The following TTC39C variants were observed in gnomAD, a reference collection of about 807,000 sequenced individuals.
TTC39C encodes tetratricopeptide repeat domain 39C.
In TTC39C, 33 loss-of-function variants were observed where a neutral mutation model predicts 76.3. The observed-to-expected ratio is 0.43, with a 90% CI of 0.33 to 0.58. The LOEUF is 0.58. Among genes scored for constraint, TTC39C ranks in the 20% least tolerant of loss-of-function variants. The pLI, the probability that TTC39C is intolerant of heterozygous loss-of-function variation, is 0.04. For synonymous variants in TTC39C, 254 were observed against 260.6 expected (o/e 0.97, Z 0.24); for missense variants, 595 against 701.4 (o/e 0.85, Z 1.71).
rs1471149245 is a variant in TTC39C at position 24,132,861 on chromosome 18, A to T, written c.*287A>T. 7.4e-6 allele frequency: 2 copies of T among 271,578 alleles called. No homozygotes were observed. The highest frequency in any genetic ancestry group is 5.3e-5 in the Admixed American group (1 of 18,810). The allele number at this position is 271,578 out of a possible 1,614,324, so 16.8% of individuals were successfully genotyped here. On this transcript the variant is annotated 3_prime_UTR_variant, in exon 14 of 14. Coordinates refer to ENST00000317571, the MANE Select transcript of TTC39C (RefSeq NM_001135993.2). ...TTTAGTTTTGTGATTTATTATTTTTAAAATAAAATCAAACGGAACATCCAA... is the reference window on the plus strand; with the variant it reads ...TTTAGTTTTGTGATTTATTATTTTTTAAATAAAATCAAACGGAACATCCAA...
intron 1 of TTC39C, among the ~76,000 whole-genome samples, chr18:24,054,756 CA>C (rs1448755106): frequency 1.3e-5 from 2 of 152,174 alleles, no homozygotes; most frequent in African/African-American, 4.8e-5. Flanking sequence ...ATATACATAA[CA>C]AAATGTGTCA....
chr18:24,107,354 A>G (rs2084757512), intron 6 of TTC39C, among the ~76,000 whole-genome samples: 1 of 152,032 alleles, frequency 6.6e-6, no homozygotes, highest in Non-Finnish European at 1.5e-5. Flanking sequence ...TTTTATTCTA[A>G]ATACAGCTCA....
At chr18:24,070,440 A>G (rs2084223867) in intron 4 of TTC39C, among the ~76,000 whole-genome samples, 1 of 152,308 alleles carries the variant, frequency 6.6e-6, no homozygotes, top group South Asian at 2.1e-4. Context: ...TCAGATATAA[A>G]AGAGTACCAG....
rs568905392 is a variant in TTC39C at position 24,017,413 on chromosome 18, G to T, written c.167+2375G>T. 3.9e-5 allele frequency among the ~76,000 whole-genome samples: 6 copies of T among 152,308 alleles called. No individual in the cohort carries two copies. In the South Asian group the frequency reaches 1.2e-3, roughly 32 times the overall value. On this transcript the variant is annotated intron_variant, in intron 1 of 13. Coordinates refer to ENST00000317571, the MANE Select transcript of TTC39C (RefSeq NM_001135993.2). ...ACAGTAAGAGTACCCACATTATCGTGTGGTGGTTAGAATGAAAAGAAATAA... is the reference window on the plus strand; with the variant it reads ...ACAGTAAGAGTACCCACATTATCGTTTGGTGGTTAGAATGAAAAGAAATAA...
At chr18:24,126,524 C>T (rs905700777) in intron 10 of TTC39C, among the ~76,000 whole-genome samples, 1 of 151,944 alleles carries the variant, frequency 6.6e-6, no homozygotes, top group Non-Finnish European at 1.5e-5. Flanking sequence ...GAACAAAACT[C>T]CGTAAGAAGT....
At position 23,994,904 on chromosome 18, in the gene TTC39C, T is replaced by TA. The variant is rs201343570; in HGVS notation, c.-17+1875dup. On this transcript the variant is annotated intron_variant, in intron 1 of 13. Transcript: ENST00000304621. ...GACATCAGGATCTTTTCCTTTTTTT[T>TA]AAAAAAAAATAATAATAATTATAAT... is the stretch of plus-strand genomic sequence containing the variant. 3.5e-3 allele frequency among the ~76,000 whole-genome samples: 525 copies of TA among 151,124 alleles called. 3 individuals are homozygous for TA. Among genetic ancestry groups the TA allele is most frequent in the African/African-American group, 0.011 (455 of 41,086 alleles).
At chr18:24,096,859 C>G (rs542540006) in intron 6 of TTC39C, among the ~76,000 whole-genome samples, 7 of 152,298 alleles carry the variant, frequency 4.6e-5, no homozygotes, top group African/African-American at 1.7e-4. Context: ...GTTCCAGACT[C>G]TTTTGTAAGC....
At chr18:24,040,440 T>C (rs1465082914) in intron 1 of TTC39C, among the ~76,000 whole-genome samples, 1 of 152,242 alleles carries the variant, frequency 6.6e-6, no homozygotes, top group Admixed American at 6.5e-5. Flanking sequence ...CTAACGTAAC[T>C]TTTAAAGTCA....
At chr18:24,083,651 TAAAC>T (rs1453759539) in intron 6 of TTC39C, among the ~76,000 whole-genome samples, 1 of 152,112 alleles carries the variant, frequency 6.6e-6, no homozygotes, top group African/African-American at 2.4e-5. Flanking sequence ...ATAGAAAAAA[TAAAC>T]AGGGATCTAA....
chr18:24,000,908 C>G (rs376039772), intron 1 of TTC39C, among the ~76,000 whole-genome samples: 1 of 152,180 alleles, frequency 6.6e-6, no homozygotes, highest in East Asian at 1.9e-4. Context: ...TTATTAATAA[C>G]GAAACCAAAG....
chr18:24,076,332 C>T (rs562831831), intron 4 of TTC39C, among the ~76,000 whole-genome samples: 3 of 152,154 alleles, frequency 2.0e-5, no homozygotes, highest in Non-Finnish European at 4.4e-5. Context: ...ACAGCGATAA[C>T]GACAGCTGAA....
chr18:24,058,594 G>T (rs1259643688), intron 1 of TTC39C, among the ~76,000 whole-genome samples: 2 of 152,118 alleles, frequency 1.3e-5, no homozygotes, highest in Non-Finnish European at 2.9e-5. Context: ...GGCGGAGGCT[G>T]CAGTGAGCCG....
At chr18:24,005,586 C>T (rs919479038) in intron 1 of TTC39C, among the ~76,000 whole-genome samples, 7 of 151,676 alleles carry the variant, frequency 4.6e-5, no homozygotes, top group Non-Finnish European at 8.8e-5. Flanking sequence ...AGGCTTATGC[C>T]GGTAATCCCA....
At chr18:24,011,157 T>C (rs1303151709), upstream of TTC39C, among the ~76,000 whole-genome samples, 1 of 152,220 alleles carries the variant, frequency 6.6e-6, no homozygotes, top group African/African-American at 2.4e-5. Flanking sequence ...TCTCTTTTCC[T>C]AACAGATCTG....
intron 7 of TTC39C, among the ~76,000 whole-genome samples, chr18:24,117,033 G>A (rs993521756): frequency 6.6e-6 from 1 of 151,764 alleles, no homozygotes; most frequent in African/African-American, 2.4e-5. Context: ...GCCTAAGCTG[G>A]TCTGGATCTC....
intron 4 of TTC39C, among the ~76,000 whole-genome samples, chr18:24,071,028 AAGTGATT>A (rs1393057399): frequency 6.6e-6 from 1 of 151,962 alleles, no homozygotes; most frequent in Non-Finnish European, 1.5e-5. Flanking sequence ...TCCCAGGTTC[AAGTGATT>A]CTCCTGCCTC....
Position 24,132,581 on chromosome 18 carries a change from C to A in TTC39C, c.*7C>A. The A allele has an allele frequency of 6.2e-7, 1 of 1,610,712 alleles. No homozygotes were observed. Among genetic ancestry groups the A allele is most frequent in the Admixed American group, 1.7e-5 (1 of 59,670 alleles). ...GGAATTGGTTCCTCAGTGACAGACCCGGAACACCCGCTCCGTCCCTCCCCA... is the reference window on the plus strand; with the variant it reads ...GGAATTGGTTCCTCAGTGACAGACCAGGAACACCCGCTCCGTCCCTCCCCA... On this transcript the variant is annotated 3_prime_UTR_variant, in exon 14 of 14. Transcript: ENST00000317571.
chr18:24,123,390 TTTGTTTG>T (rs2085001321), intron 8 of TTC39C, among the ~76,000 whole-genome samples: 1 of 25,710 alleles, frequency 3.9e-5, no homozygotes, highest in African/African-American at 4.6e-5. Context: ...CTTTTTTTTG[TTTGTTTG>T]TTTGTTTGTT....
intron 4 of TTC39C, among the ~76,000 whole-genome samples, chr18:24,080,200 T>C (rs768351942): frequency 1.3e-5 from 2 of 152,126 alleles, no homozygotes; most frequent in African/African-American, 4.8e-5. Context: ...TATAAAAAAG[T>C]TTATCAGGAA....
Sources: gnomAD v4.1 joint callset for allele counts (sites outside exome capture counted in the v4.1 genomes callset) on GRCh38, gnomAD v4.1.1 for gene constraint, MANE v1.5 for transcripts, NCBI Gene and HGNC (gene_info 2026-07-23, HGNC 2026-07-21) for gene names.